PLEKHA5: variants seen among roughly 807,000 people sequenced by gnomAD.
The protein encoded by PLEKHA5 is pleckstrin homology domain containing A5.
A neutral mutation model predicts 181.9 loss-of-function variants in PLEKHA5; 55 were observed. That is an observed-to-expected ratio of 0.30 (90% confidence interval 0.24 to 0.38). PLEKHA5 has a LOEUF of 0.38. Among genes scored for constraint, PLEKHA5 ranks in the 10% least tolerant of loss-of-function variants. The probability of loss-of-function intolerance (pLI) is 1.00; values close to 1 mark genes in which losing one functional copy is unlikely to be tolerated. For missense variants in PLEKHA5, 1,432 were observed against 1,549.5 expected, an observed-to-expected ratio of 0.92 and a Z score of 1.27; for synonymous variants, 535 against 529.4, an observed-to-expected ratio of 1.01 and a Z score of -0.15.
intron 3 of PLEKHA5, among the ~76,000 whole-genome samples, chr12:19,160,060 T>A (rs1310724192): frequency 1.3e-5 from 2 of 152,142 alleles, no homozygotes. Context: ...CTCATTTTAG[T>A]TAACATATTG....
intron 15 of PLEKHA5, chr12:19,306,903 G>T: frequency 1.2e-6 from 1 of 818,644 alleles, no homozygotes. Context: ...TGTCTCTGTT[G>T]GCACCAGCTA....
At chr12:19,271,769 A>G (rs2072883525) in intron 10 of PLEKHA5, among the ~76,000 whole-genome samples, 1 of 152,176 alleles carries the variant, frequency 6.6e-6, no homozygotes, top group Non-Finnish European at 1.5e-5. Flanking sequence ...ATAGTTCACT[A>G]GTTAGGTGCT....
intron 10 of PLEKHA5, among the ~76,000 whole-genome samples, chr12:19,272,606 G>T (rs145564254): frequency 6.6e-6 from 1 of 152,006 alleles, no homozygotes; most frequent in Non-Finnish European, 1.5e-5. Context: ...GTGTGGTGGC[G>T]TGTACCTATA....
At chr12:19,251,528 T>A (rs558168959) in intron 3 of PLEKHA5, among the ~76,000 whole-genome samples, 182 of 152,046 alleles carry the variant, frequency 1.2e-3, no homozygotes, top group African/African-American at 4.2e-3. Flanking sequence ...TGTGCAGATA[T>A]ACATTTTGTG....
intron 3 of PLEKHA5, among the ~76,000 whole-genome samples, chr12:19,210,071 G>T (rs1021412339): frequency 6.6e-6 from 1 of 152,128 alleles, no homozygotes; most frequent in Non-Finnish European, 1.5e-5. Context: ...TTTGTATTCA[G>T]TTAATAACGT....
intron 20 of PLEKHA5, among the ~76,000 whole-genome samples, chr12:19,332,308 A>G (rs967819138): frequency 3.9e-5 from 6 of 152,098 alleles, no homozygotes; most frequent in Non-Finnish European, 7.3e-5. Flanking sequence ...CTCCTGCCCA[A>G]CATGCACACT....
chr12:19,267,308 C>A (rs948795622), intron 8 of PLEKHA5, among the ~76,000 whole-genome samples: 1 of 152,076 alleles, frequency 6.6e-6, no homozygotes, highest in Non-Finnish European at 1.5e-5. Flanking sequence ...AAATTCCCAC[C>A]ACTTGTAGAG....
intron 3 of PLEKHA5, among the ~76,000 whole-genome samples, chr12:19,208,917 C>T (rs1050475334): frequency 3.3e-5 from 5 of 151,810 alleles, no homozygotes; most frequent in African/African-American, 1.2e-4. Flanking sequence ...GTTTAGTAGC[C>T]ATATTTTTCT....
rs748156942 is a variant in PLEKHA5 at position 19,366,067 on chromosome 12, G to C, written c.3712G>C (p.Glu1238Gln). 10 of 1,611,950 alleles carry C rather than the reference G, an allele frequency of 6.2e-6. No homozygotes were observed. The highest frequency in any genetic ancestry group is 8.5e-6 in the Non-Finnish European group (10 of 1,178,748). Residue 1238 changes from glutamate to glutamine, a missense_variant, in exon 30 of 32, where the codon GAA (glutamate) becomes CAA (glutamine). By Grantham distance (29) the Glu-to-Gln change is conservative. Coordinates refer to ENST00000429027, the MANE Select transcript of PLEKHA5 (RefSeq NM_001256470.2). The stretch of plus-strand genomic sequence containing the variant: ...ACAGGAAGAAACTGTTATTTCTTAC[G>C]AATCAACTCCTGAGGTTTCTAGAGG... ...DEQEETVISY[E>Q]STPEVSRGNQ...
intron 3 of PLEKHA5, among the ~76,000 whole-genome samples, chr12:19,251,282 C>T (rs2065196292): frequency 1.3e-5 from 2 of 151,674 alleles, no homozygotes; most frequent in African/African-American, 2.4e-5. Context: ...GACACACGCT[C>T]GTAATCCCAG....
intron 15 of PLEKHA5, among the ~76,000 whole-genome samples, chr12:19,294,356 G>A (rs989145185): frequency 5.9e-5 from 9 of 152,064 alleles, no homozygotes; most frequent in African/African-American, 2.2e-4. Context: ...TAGAGTACCA[G>A]GTCCGTTGCT....
rs147790450 is a variant in PLEKHA5 at position 19,356,173 on chromosome 12, A to C, written c.3139-2055A>C. ...GAGTGAGACTCTGTCTCAAAAAAAA[A>C]CAAAAAAAAACAACACACACACAAA... On this transcript the variant is annotated intron_variant, in intron 26 of 31. Coordinates refer to ENST00000429027, the MANE Select transcript of PLEKHA5 (RefSeq NM_001256470.2). Among the ~76,000 whole-genome samples, 1,005 of 151,674 alleles carry C rather than the reference A, an allele frequency of 6.6e-3. 10 individuals are homozygous for C. Among genetic ancestry groups the C allele is most frequent in the African/African-American group, 0.023 (950 of 41,286 alleles).
intron 3 of PLEKHA5, among the ~76,000 whole-genome samples, chr12:19,224,055 C>T (rs927938166): frequency 6.6e-6 from 1 of 152,028 alleles, no homozygotes; most frequent in African/African-American, 2.4e-5. Flanking sequence ...TCTAGGTTTC[C>T]TTGAATGTGA....
chr12:19,236,161 C>T (rs2061375100), intron 3 of PLEKHA5, among the ~76,000 whole-genome samples: 1 of 152,140 alleles, frequency 6.6e-6, no homozygotes, highest in Non-Finnish European at 1.5e-5. Context: ...GAATAAATAC[C>T]AACAAACTCT....
intron 3 of PLEKHA5, among the ~76,000 whole-genome samples, chr12:19,156,752 A>G (rs1488818393): frequency 6.6e-6 from 1 of 152,070 alleles, no homozygotes; most frequent in Non-Finnish European, 1.5e-5. Context: ...GTAGTTAAAA[A>G]AAACTGTACA....
chr12:19,301,001 T>G (rs1279769292), intron 15 of PLEKHA5, among the ~76,000 whole-genome samples: 3 of 148,014 alleles, frequency 2.0e-5, no homozygotes, highest in Non-Finnish European at 4.5e-5. Context: ...AAATACAAAA[T>G]TAGCCTGGTG....
intron 3 of PLEKHA5, chr12:19,154,551 T>C (rs1435713191): frequency 6.6e-6 from 1 of 152,184 alleles, no homozygotes; most frequent in African/African-American, 2.4e-5. Context: ...TTCGGGAAAA[T>C]GCCCAATAAA....
intron 11 of PLEKHA5, among the ~76,000 whole-genome samples, chr12:19,278,039 T>C (rs1480035232): frequency 1.3e-5 from 2 of 152,350 alleles, no homozygotes; most frequent in East Asian, 3.9e-4. Context: ...TTTGCTTAAT[T>C]TGAATTTCTT....
chr12:19,231,606 A>AGG (rs2060609555), intron 3 of PLEKHA5, among the ~76,000 whole-genome samples: 1 of 145,346 alleles, frequency 6.9e-6, no homozygotes, highest in Non-Finnish European at 1.5e-5. Context: ...ACACATATAT[A>AGG]TATATAAATA....
Sources: allele counts gnomAD v4.1 joint callset (sites outside exome capture counted in the v4.1 genomes callset), GRCh38; gene constraint gnomAD v4.1.1; transcripts MANE v1.5; gene names NCBI Gene and HGNC (gene_info 2026-07-23, HGNC 2026-07-21).